Variants in PPP1R16A observed in about 807,000 individuals in gnomAD.
PPP1R16A encodes protein phosphatase 1 regulatory subunit 16A, also known as myosin phosphatase-targeting subunit 3.
In PPP1R16A, 39 loss-of-function variants were observed where a neutral mutation model predicts 46.6. The ratio of observed to expected loss-of-function variants is 0.84; its 90% confidence interval spans 0.65 to 1.09. PPP1R16A has a LOEUF of 1.09. Ranked by LOEUF, PPP1R16A falls within the 50% of genes least tolerant of loss-of-function variation. PPP1R16A has a pLI of 0.00. For missense variants in PPP1R16A, 798 were observed against 735.6 expected (o/e 1.08, Z -0.98); for synonymous variants, 413 against 321.5 (o/e 1.28, Z -3.04).
intron 1 of PPP1R16A, among the ~76,000 whole-genome samples, chr8:144,481,045 C>A (rs942487046): frequency 1.3e-5 from 2 of 151,694 alleles, no homozygotes; most frequent in Non-Finnish European, 2.9e-5. Context: ...CCCACCACCA[C>A]GCCCGGCTAA....
chr8:144,496,780 C>T lies in PPP1R16A; in HGVS notation c.-415C>T. ...GGGCTCTCACTGCTGGTTGGCCCTG[C>T]CCTCCCTTCCCCCTCAGCAGGGTGC... On this transcript the variant is annotated 5_prime_UTR_variant, in exon 3 of 12. Transcript: ENST00000435887. 3.8e-6 allele frequency: 1 copy of T among 264,090 alleles called. No individual in the cohort carries two copies. Among genetic ancestry groups the T allele is most frequent in the South Asian group, 4.7e-5 (1 of 21,304 alleles). The allele number at this position is 264,090 out of a possible 1,614,324, so 16.4% of individuals were successfully genotyped here. A position where few individuals can be genotyped will look rare whatever the true frequency, so the allele number is the denominator to read the frequency against.
At chr8:144,499,933 C>T (rs1421881888) in intron 5 of PPP1R16A, 163 bp from the exon 6 acceptor site, 1 of 658,414 alleles carries the variant, frequency 1.5e-6, no homozygotes, top group African/African-American at 1.8e-5. Context: ...GGATCTAGGA[C>T]AGCCGATGGG....
chr8:144,489,285 A>G (rs1293291893), intron 1 of PPP1R16A, among the ~76,000 whole-genome samples: 3 of 21,506 alleles, frequency 1.4e-4, no homozygotes, highest in African/African-American at 2.0e-4. Context: ...TTGGACTGGG[A>G]GGGGGGTTGG....
intron 1 of PPP1R16A, chr8:144,478,369 G>C (rs1427182626): frequency 5.6e-6 from 2 of 356,182 alleles, no homozygotes; most frequent in Admixed American, 4.7e-5. Context: ...CTCGGGAGAC[G>C]CGGCTGCCGG....
Position 144,500,565 on chromosome 8 carries a change from G to A in PPP1R16A, c.784G>A (p.Asp262Asn), listed in dbSNP as rs12542399. Residue 262 changes from aspartate to asparagine, a missense_variant, in exon 8 of 12, where the codon GAC becomes AAC. Transcript: ENST00000435887. ...ACACCGAGCCAGCCTGAGCGCTAAG[G>A]ACCAAGACGGCTGGGAGCCGCTGCA... is the stretch of plus-strand genomic sequence containing the variant. ...LEHRASLSAK[D>N]QDGWEPLHAA... is the part of the protein sequence containing the mutation. 1 of 1,598,198 alleles carries A rather than the reference G, an allele frequency of 6.3e-7. No individual in the cohort carries two copies. The highest frequency in any genetic ancestry group is 8.5e-7 in the Non-Finnish European group (1 of 1,179,138).
chr8:144,500,873 G>T lies in PPP1R16A; in HGVS notation c.939G>T (p.Lys313Asn). Residue 313 changes from lysine (K) to asparagine (N), a missense_variant, in exon 10 of 12, where the codon AAG (lysine) becomes AAT (asparagine). Lys to Asn is a moderately conservative substitution (Grantham distance 94, BLOSUM62 0). Transcript: ENST00000435887. ...GCGGGGACGAGGAGGTGCGGGCCAA[G>T]CTGCTGGAGCTGAAGCACAAGCACG... The part of the protein sequence containing the change: ...DVCGDEEVRA[K>N]LLELKHKHDA... 1 of 1,561,154 alleles carries T rather than the reference G, an allele frequency of 6.4e-7. No homozygotes were observed.
chr8:144,481,092 A>T (rs550446217), intron 1 of PPP1R16A, among the ~76,000 whole-genome samples: 2 of 143,488 alleles, frequency 1.4e-5, no homozygotes, highest in Admixed American at 1.4e-4. Flanking sequence ...GGGTTTCACC[A>T]TGTTAGCCAG....
Position 144,481,441 on chromosome 8 carries a change from G to A in PPP1R16A, c.-914+3314G>A, listed in dbSNP as rs188084179. On this transcript the variant is annotated intron_variant, in intron 1 of 11. Transcript: ENST00000435887. ...GTGGATCATCTGAGGTTGGGAGTTC[G>A]AGACCAGCCTGACCACCATGGAGAA... is the stretch of plus-strand genomic sequence containing the variant. 1.5e-3 allele frequency among the ~76,000 whole-genome samples: 222 copies of A among 151,784 alleles called. No homozygotes were observed. In the Middle Eastern group the frequency reaches 0.024, roughly 16 times the overall value.
intron 3 of PPP1R16A, chr8:144,497,971 C>T (rs575120530): frequency 2.2e-6 from 1 of 450,304 alleles, no homozygotes; most frequent in African/African-American, 2.0e-5. Flanking sequence ...ACTCTCTTCT[C>T]CTCACCTGTG....
At chr8:144,489,085 T>C (rs971342183) in intron 1 of PPP1R16A, among the ~76,000 whole-genome samples, 31 of 150,154 alleles carry the variant, frequency 2.1e-4, no homozygotes, top group African/African-American at 7.6e-4. Flanking sequence ...ACACCTATAA[T>C]TGCAGCTACT....
chr8:144,497,237 G>A lies in PPP1R16A; in HGVS notation c.43G>A (p.Gly15Ser), dbSNP rs149436932. Residue 15 changes from glycine to serine, a missense_variant, in exon 3 of 12, where the codon GGC becomes AGC. Transcript: ENST00000435887. ...GCTGCTGGCAGAGATGCCCATGGTG[G>A]GCAGGATGAGCACACAGGAGCGGCT... ...LELLAEMPMV[G>S]RMSTQERLKH... The A allele has an allele frequency of 1.2e-6, 2 of 1,603,106 alleles. No individual in the cohort carries two copies. The highest frequency in any genetic ancestry group is 1.7e-6 in the Non-Finnish European group (2 of 1,176,070).
chr8:144,501,052 G>T lies in PPP1R16A; in HGVS notation c.1038-77G>T, dbSNP rs1326506996. On this transcript the variant is annotated intron_variant, in intron 10 of 11. Transcript: ENST00000435887. ...CCGGGCGGAGTGCCAGCCGAACTGG[G>T]GGCAGAGTCCGAGGGGGTGGGCGGG... The T allele has an allele frequency of 2.6e-6, 4 of 1,536,514 alleles. No individual in the cohort carries two copies. The East Asian group carries it at 9.9e-5, about 38-fold the overall frequency.
chr8:144,500,621 G>C lies in PPP1R16A; in HGVS notation c.831+9G>C, dbSNP rs777200112. On this transcript the variant is annotated intron_variant, in intron 8 of 11. Coordinates refer to ENST00000435887, the MANE Select transcript of PPP1R16A (RefSeq NM_001329443.2). ...CGGCCTACTGGGGCCAGGTGAGTGCGGGCGGGAGCAGGTGGGAGGGGGCTT... is the reference window on the plus strand; with the variant it reads ...CGGCCTACTGGGGCCAGGTGAGTGCCGGCGGGAGCAGGTGGGAGGGGGCTT... 9.4e-6 allele frequency: 15 copies of C among 1,602,264 alleles called. No individual in the cohort carries two copies. The highest frequency in any genetic ancestry group is 1.2e-5 in the Non-Finnish European group (14 of 1,179,064).
chr8:144,482,090 C>T (rs996711460), intron 1 of PPP1R16A, among the ~76,000 whole-genome samples: 7 of 152,038 alleles, frequency 4.6e-5, no homozygotes, highest in East Asian at 1.9e-4. Context: ...CCGCCGCCGC[C>T]GCCGCCTTTT....
chr8:144,492,213 G>C (rs1200012955), intron 2 of PPP1R16A, among the ~76,000 whole-genome samples: 3 of 152,164 alleles, frequency 2.0e-5, no homozygotes, highest in Admixed American at 2.0e-4. Flanking sequence ...TGCGATGTGC[G>C]GCCAGAGGGC....
intron 2 of PPP1R16A, among the ~76,000 whole-genome samples, chr8:144,494,511 C>T (rs956912566): frequency 1.3e-5 from 2 of 151,112 alleles, no homozygotes; most frequent in Non-Finnish European, 3.0e-5. Context: ...TCTTACCCTG[C>T]TGCCCAGGCT....
chr8:144,501,404 G>A (rs1352992176), intron 11 of PPP1R16A, 110 bp downstream of exon 11: 1 of 1,481,974 alleles, frequency 6.7e-7, no homozygotes, highest in East Asian at 2.5e-5. Context: ...TGCCCTGCAG[G>A]GGCCAGCTTT....
chr8:144,485,388 G>A (rs894609309), intron 1 of PPP1R16A, among the ~76,000 whole-genome samples: 1 of 151,784 alleles, frequency 6.6e-6, no homozygotes, highest in Non-Finnish European at 1.5e-5. Context: ...GCCAGGCGTG[G>A]TGGCACACAC....
chr8:144,482,075 TGCCGCCGCC>T (rs59209733), intron 1 of PPP1R16A, among the ~76,000 whole-genome samples: 39 of 151,094 alleles, frequency 2.6e-4, no homozygotes, highest in South Asian at 1.3e-3. Flanking sequence ...TGTGCCCGGC[TGCCGCCGCC>T]GCCGCCGCCG....
Sources: gnomAD v4.1 joint callset for allele counts (sites outside exome capture counted in the v4.1 genomes callset) on GRCh38, gnomAD v4.1.1 for gene constraint, MANE v1.5 for transcripts, NCBI Gene and HGNC (gene_info 2026-07-23, HGNC 2026-07-21) for gene names.